CTBP2: variants seen among roughly 807,000 people sequenced by gnomAD.
The protein encoded by CTBP2 is C-terminal binding protein 2, also known as C-terminal-binding protein 2.
Under a neutral mutation model 80.3 loss-of-function variants are expected in CTBP2, and 30 were observed. The ratio of observed to expected loss-of-function variants is 0.37; its 90% confidence interval spans 0.28 to 0.51. CTBP2 has a LOEUF of 0.51. Among genes scored for constraint, CTBP2 ranks in the 20% least tolerant of loss-of-function variants. CTBP2 has a pLI of 0.93. For missense variants in CTBP2, 1,212 were observed against 1,375.3 expected, an observed-to-expected ratio of 0.88 and a Z score of 1.88; for synonymous variants, 594 against 587.4, an observed-to-expected ratio of 1.01 and a Z score of -0.16.
chr10:125,044,661 G>T (rs1960775997), intron 2 of CTBP2, among the ~76,000 whole-genome samples: 1 of 152,202 alleles, frequency 6.6e-6, no homozygotes, highest in South Asian at 2.1e-4. Context: ...TCCCTCCTCA[G>T]AAGGCTGAGA....
intron 2 of CTBP2, among the ~76,000 whole-genome samples, chr10:125,092,192 T>C (rs948331976): frequency 4.3e-4 from 63 of 145,754 alleles, no homozygotes; most frequent in Non-Finnish European, 8.6e-4. Context: ...TTTTTTTTTT[T>C]TTTTTTTGAG....
intron 2 of CTBP2, among the ~76,000 whole-genome samples, 162 bp from the exon 3 acceptor site, chr10:125,039,317 T>A (rs999506596): frequency 5.9e-5 from 9 of 152,240 alleles, no homozygotes; most frequent in Non-Finnish European, 8.8e-5. Context: ...CTGCACCAAG[T>A]GCATCTCAGC....
In CTBP2 at chr10:125,026,448, C is replaced by G; in HGVS notation, c.1312G>C (p.Gly438Arg). The G allele has an allele frequency of 6.2e-7, 1 of 1,600,344 alleles. No individual in the cohort carries two copies. The change falls in exon 1 of 9, where the codon GGG becomes CGG. Residue 438 changes from glycine (G) to arginine (R), a missense_variant. Transcript: ENST00000309035. ...GCGCAAGGGGTGGGAGAGCTGTACC[C>G]GGAGTTGGAGGGGAAGTGTGGGGCA...
intron 8 of CTBP2, 50 bp downstream of exon 10, chr10:124,992,645 C>A: frequency 7.1e-7 from 1 of 1,401,390 alleles, no homozygotes. Flanking sequence ...CTCCCTGGCC[C>A]CGGGGCCGTG....
chr10:125,057,406 G>A (rs1266944563), intron 2 of CTBP2, among the ~76,000 whole-genome samples: 2 of 152,056 alleles, frequency 1.3e-5, no homozygotes, highest in African/African-American at 4.8e-5. Flanking sequence ...ACCAGCCCCC[G>A]CCTCCCTCTA....
chr10:125,101,272 C>T (rs545205828), intron 2 of CTBP2, among the ~76,000 whole-genome samples: 113 of 152,236 alleles, frequency 7.4e-4, no homozygotes, highest in Non-Finnish European at 1.4e-3. Flanking sequence ...CGAGAGAAAG[C>T]CTCATGTCTT....
chr10:125,120,640 G>C (rs1438887354), intron 1 of CTBP2, among the ~76,000 whole-genome samples: 3 of 152,140 alleles, frequency 2.0e-5, no homozygotes, highest in African/African-American at 7.2e-5. Context: ...GCCCGCCTTG[G>C]CCTCCCAATG....
chr10:125,087,685 A>C (rs1423300480), intron 2 of CTBP2, among the ~76,000 whole-genome samples: 1 of 152,184 alleles, frequency 6.6e-6, no homozygotes, highest in Non-Finnish European at 1.5e-5. Context: ...TGAATAACTC[A>C]GCTTTGTTTA....
At chr10:125,133,686 T>C (rs895063240) in intron 1 of CTBP2, 27 of 152,218 alleles carry the variant, frequency 1.8e-4, no homozygotes, top group African/African-American at 6.0e-4. Flanking sequence ...TCTAAATCAC[T>C]TTAAAGAGGC....
At chr10:125,033,581 G>A (rs757092524) in intron 3 of CTBP2, among the ~76,000 whole-genome samples, 43 of 152,270 alleles carry the variant, frequency 2.8e-4, no homozygotes, top group Middle Eastern at 3.4e-3. Context: ...TGTGAAGCGC[G>A]CAGAAGGTTC....
At chr10:125,126,481 C>T (rs1485278242) in intron 1 of CTBP2, among the ~76,000 whole-genome samples, 4 of 152,218 alleles carry the variant, frequency 2.6e-5, no homozygotes, top group African/African-American at 7.2e-5. Flanking sequence ...ATGCCATCCG[C>T]AAGGCCAGGC....
chr10:125,093,060 C>T (rs564004649), intron 2 of CTBP2, among the ~76,000 whole-genome samples: 3 of 152,300 alleles, frequency 2.0e-5, no homozygotes, highest in South Asian at 2.1e-4. Context: ...CCAAGCTGAC[C>T]GTTCTCTTTA....
chr10:125,000,845 G>C (rs1328997612), intron 3 of CTBP2: 1 of 152,280 alleles, frequency 6.6e-6, no homozygotes, highest in Non-Finnish European at 1.5e-5. Flanking sequence ...GCATGATGTG[G>C]GGAATATGCA....
intron 1 of CTBP2, among the ~76,000 whole-genome samples, chr10:125,149,156 G>A (rs1437313608): frequency 2.0e-5 from 3 of 152,160 alleles, no homozygotes; most frequent in African/African-American, 4.8e-5. Context: ...CACGACATGG[G>A]CTCTGGAAGA....
At position 124,994,689 on chromosome 10, in the gene CTBP2, C is replaced by A. The variant is rs1314571399; in HGVS notation, c.2186-6G>T. 3 of 1,614,148 alleles carry A rather than the reference C, an allele frequency of 1.9e-6. No individual in the cohort carries two copies. The highest frequency in any genetic ancestry group is 1.7e-6 in the Non-Finnish European group (2 of 1,179,980). ...AACCGCCTGCCCCGTGCGACCTGTACAGAAACAGAGCGTCCAGGTGAGTGA... is the reference window on the plus strand; with the variant it reads ...AACCGCCTGCCCCGTGCGACCTGTAAAGAAACAGAGCGTCCAGGTGAGTGA... On this transcript the variant is annotated splice_polypyrimidine_tract_variant and splice_region_variant and intron_variant, in intron 4 of 8. Transcript: ENST00000309035.
chr10:125,116,981 G>A (rs545106426), intron 1 of CTBP2, among the ~76,000 whole-genome samples: 33 of 152,334 alleles, frequency 2.2e-4, no homozygotes, highest in Middle Eastern at 3.4e-3. Context: ...TGGGTTCCCT[G>A]AAGGACCAGG....
Position 124,989,186 on chromosome 10 carries a change from G to GAGC in CTBP2, c.*329_*331dup. On this transcript the variant is annotated 3_prime_UTR_variant, in exon 9 of 9. Coordinates refer to ENST00000309035, the MANE Select transcript of CTBP2 (RefSeq NM_022802.3). The stretch of plus-strand genomic sequence containing the variant: ...TTTGAACTCTTGATGCAACATTGTA[G>GAGC]AGCAGGGTGTTCAGGACCTGCTGTG... 3.3e-6 allele frequency: 1 copy of GAGC among 301,396 alleles called. No homozygotes were observed. Among genetic ancestry groups the GAGC allele is most frequent in the South Asian group, 3.1e-5 (1 of 32,674 alleles). 18.7% of individuals were successfully genotyped at this position (301,396 alleles called of 1,614,324 possible). A position where few individuals can be genotyped will look rare whatever the true frequency, so the allele number is the denominator to read the frequency against.
chr10:125,117,971 GA>G (rs1853621306), intron 1 of CTBP2, among the ~76,000 whole-genome samples: 1 of 152,172 alleles, frequency 6.6e-6, no homozygotes, highest in Non-Finnish European at 1.5e-5. Context: ...GTCTTTGTCA[GA>G]GAGTGTTTAT....
intron 2 of CTBP2, among the ~76,000 whole-genome samples, chr10:125,060,643 T>C (rs1469960455): frequency 3.9e-5 from 6 of 152,216 alleles, no homozygotes; most frequent in African/African-American, 1.4e-4. Context: ...TGTGATTATG[T>C]GCAGGGCAGT....
Sources: gnomAD v4.1 joint callset for allele counts (sites outside exome capture counted in the v4.1 genomes callset) on GRCh38, gnomAD v4.1.1 for gene constraint, MANE v1.5 for transcripts, NCBI Gene and HGNC (gene_info 2026-07-23, HGNC 2026-07-21) for gene names.